Variants in MTIF2 observed in about 807,000 individuals in gnomAD.
MTIF2 encodes the protein translation initiation factor IF-2, mitochondrial.
MTIF2 carries 71 observed loss-of-function variants against 83.5 expected under a neutral mutation model. The ratio of observed to expected loss-of-function variants is 0.85; its 90% confidence interval spans 0.70 to 1.04. The LOEUF (loss-of-function observed/expected upper bound fraction) is 1.04, where lower values mean the gene tolerates loss of function less well. MTIF2 is among the 50% of genes least tolerant of loss of function. The pLI is 0.00. For missense variants in MTIF2, 957 were observed against 846.5 expected, an observed-to-expected ratio of 1.13 and a Z score of -1.62; for synonymous variants, 319 against 287.1, an observed-to-expected ratio of 1.11 and a Z score of -1.12.
intron 4 of MTIF2, 58 bp downstream of exon 4, chr2:55,263,581 GC>G: frequency 7.3e-7 from 1 of 1,376,744 alleles, no homozygotes; most frequent in Non-Finnish European, 9.9e-7. Flanking sequence ...CGGCACTCCA[GC>G]CGGGGTGACA....
chr2:55,246,308 TA>T, intron 10 of MTIF2, 28 bp downstream of exon 10: 2 of 1,566,544 alleles, frequency 1.3e-6, no homozygotes, highest in South Asian at 1.2e-5. Flanking sequence ...CAGAACAAAT[TA>T]AAAAGGCAAG....
Position 55,236,750 on chromosome 2 carries a change from G to A in MTIF2, c.2082C>T (p.Leu694=), listed in dbSNP as rs1473411743. Residue 694 remains leucine, a synonymous_variant, in exon 16 of 16, where the codon CTC becomes CTT. Transcript: ENST00000263629. ...ATTCCATATTGTCTTCATCTAAACT[G>A]AGACCACAATCCATTCCCGTTTTGA... The part of the protein sequence containing the change: ...SIVKTGMDCG[L]SLDEDNMEFQ... 2 of 1,611,874 alleles carry A rather than the reference G, an allele frequency of 1.2e-6. No homozygotes were observed. Among genetic ancestry groups the A allele is most frequent in the African/African-American group, 2.7e-5 (2 of 74,810 alleles).
chr2:55,247,285 G>C (rs149552446), intron 9 of MTIF2, among the ~76,000 whole-genome samples: 1 of 152,284 alleles, frequency 6.6e-6, no homozygotes, highest in South Asian at 2.1e-4. Context: ...GGCCGGGCAC[G>C]GTGGCTCATG....
chr2:55,266,186 C>G (rs1464631439), intron 3 of MTIF2, among the ~76,000 whole-genome samples: 4 of 151,946 alleles, frequency 2.6e-5, no homozygotes, highest in Non-Finnish European at 5.9e-5. Flanking sequence ...TTTACCTTAA[C>G]CATATAAAGC....
intron 5 of MTIF2, among the ~76,000 whole-genome samples, chr2:55,256,931 G>T (rs369150531): frequency 1.8e-4 from 28 of 152,094 alleles, no homozygotes; most frequent in African/African-American, 6.7e-4. Context: ...ACTCCTGGTC[G>T]AGCAATTCTC....
At chr2:55,266,763 C>CTTTTTTTT (rs1216777992) in intron 3 of MTIF2, among the ~76,000 whole-genome samples, 2 of 86,306 alleles carry the variant, frequency 2.3e-5, no homozygotes, top group African/African-American at 4.7e-5. Flanking sequence ...ACATTTCATT[C>CTTTTTTTT]TTTTTTTTTT....
chr2:55,239,577 TTACTC>T (rs1006481903), intron 14 of MTIF2, among the ~76,000 whole-genome samples: 69 of 152,290 alleles, frequency 4.5e-4, no homozygotes, highest in East Asian at 1.7e-3. Context: ...TACTCAGTCT[TTACTC>T]TGGCTATGAT....
intron 9 of MTIF2, among the ~76,000 whole-genome samples, chr2:55,247,553 A>G (rs1313230082): frequency 1.3e-5 from 2 of 152,208 alleles, no homozygotes; most frequent in Non-Finnish European, 2.9e-5. Flanking sequence ...CTTCATTTCA[A>G]AAAACAAAAA....
At chr2:55,268,128 C>T (rs1678574787) in intron 2 of MTIF2, among the ~76,000 whole-genome samples, 1 of 152,042 alleles carries the variant, frequency 6.6e-6, no homozygotes, top group Non-Finnish European at 1.5e-5. Flanking sequence ...TGGCGGGCGC[C>T]TGTAATCCCA....
intron 3 of MTIF2, among the ~76,000 whole-genome samples, chr2:55,265,423 C>T (rs936233670): frequency 4.6e-5 from 7 of 151,488 alleles, no homozygotes; most frequent in African/African-American, 1.7e-4. Context: ...CTCAGGCACA[C>T]GAGACACTAC....
intron 14 of MTIF2, among the ~76,000 whole-genome samples, chr2:55,239,754 T>A (rs916746437): frequency 2.6e-5 from 4 of 152,228 alleles, no homozygotes; most frequent in Admixed American, 2.6e-4. Context: ...ATTATAATTA[T>A]TTGTTCATAT....
chr2:55,240,289 G>T, intron 13 of MTIF2, 114 bp from the exon 14 acceptor site: 2 of 1,007,646 alleles, frequency 2.0e-6, no homozygotes, highest in Non-Finnish European at 2.9e-6. Flanking sequence ...AATTAAAATA[G>T]CAAATAAGAG....
chr2:55,263,575 A>G, intron 4 of MTIF2, 65 bp downstream of exon 4: 1 of 1,306,630 alleles, frequency 7.7e-7, no homozygotes, highest in African/African-American at 1.5e-5. Context: ...GCGCCACGGC[A>G]CTCCAGCCGG....
At chr2:55,262,727 T>G (rs60968809) in intron 4 of MTIF2, among the ~76,000 whole-genome samples, 11,240 of 71,232 alleles carry the variant, frequency 0.16, 1,346 homozygotes, top group African/African-American at 0.35. Context: ...ATTTTTTTTT[T>G]TTGTTTTTTG....
chr2:55,266,188 A>C (rs1302300178), intron 3 of MTIF2, among the ~76,000 whole-genome samples: 1 of 152,184 alleles, frequency 6.6e-6, no homozygotes, highest in South Asian at 2.1e-4. Flanking sequence ...TACCTTAACC[A>C]TATAAAGCTA....
intron 5 of MTIF2, among the ~76,000 whole-genome samples, chr2:55,255,087 A>G (rs1228051918): frequency 4.6e-5 from 7 of 151,956 alleles, no homozygotes; most frequent in African/African-American, 1.7e-4. Flanking sequence ...AATCATCAAT[A>G]AAACATTAAG....
chr2:55,251,638 T>C (rs1199216292), intron 8 of MTIF2, among the ~76,000 whole-genome samples: 5 of 152,236 alleles, frequency 3.3e-5, no homozygotes, highest in Admixed American at 6.5e-5. Context: ...GTAACTTTTT[T>C]TTGAGACGGA....
intron 8 of MTIF2, among the ~76,000 whole-genome samples, chr2:55,250,047 C>T (rs1046569242): frequency 1.3e-5 from 2 of 152,046 alleles, no homozygotes; most frequent in Non-Finnish European, 2.9e-5. Flanking sequence ...GAGCTGAAAT[C>T]GTGTCACTGC....
At chr2:55,238,611 G>T (rs919135857) in intron 14 of MTIF2, among the ~76,000 whole-genome samples, 2 of 151,918 alleles carry the variant, frequency 1.3e-5, no homozygotes, top group African/African-American at 4.8e-5. Flanking sequence ...GACTGGTCTT[G>T]AACTCCCATC....
Sources: allele counts gnomAD v4.1 joint callset (sites outside exome capture counted in the v4.1 genomes callset), GRCh38; gene constraint gnomAD v4.1.1; transcripts MANE v1.5; gene names NCBI Gene and HGNC (gene_info 2026-07-23, HGNC 2026-07-21).